UBE2E2: variants seen among roughly 807,000 people sequenced by gnomAD.
UBE2E2 encodes the protein ubiquitin-conjugating enzyme E2 E2.
UBE2E2 carries 6 observed loss-of-function variants against 24.7 expected under a neutral mutation model. The observed-to-expected ratio is 0.24, with a 90% CI of 0.13 to 0.48. UBE2E2 has a LOEUF of 0.48. Ranked by LOEUF, UBE2E2 falls within the 20% of genes least tolerant of loss-of-function variation. UBE2E2 has a pLI of 0.99. For missense variants in UBE2E2, 169 were observed against 245.0 expected, an observed-to-expected ratio of 0.69 and a Z score of 2.07; for synonymous variants, 104 against 83.6, an observed-to-expected ratio of 1.24 and a Z score of -1.33.
chr3:23,379,853 G>T (rs1164507922), intron 3 of UBE2E2, among the ~76,000 whole-genome samples: 2 of 152,108 alleles, frequency 1.3e-5, no homozygotes, highest in South Asian at 2.1e-4. Context: ...GGGCAGAAAG[G>T]AGTTTGGTCC....
At chr3:23,543,865 A>G (rs902250213) in intron 5 of UBE2E2, among the ~76,000 whole-genome samples, 5 of 152,236 alleles carry the variant, frequency 3.3e-5, no homozygotes, top group Non-Finnish European at 7.3e-5. Context: ...TTATAAAAGT[A>G]GATACATAAA....
At chr3:23,382,237 A>C (rs1487742179) in intron 3 of UBE2E2, among the ~76,000 whole-genome samples, 1 of 128,422 alleles carries the variant, frequency 7.8e-6, no homozygotes, top group Non-Finnish European at 1.5e-5. Context: ...GCTGGAGTGC[A>C]GTGGCGCAAT....
rs71974866 is a variant in UBE2E2 at position 23,407,647 on chromosome 3, ATGTGTGTGTG to A, written c.228-91927_228-91918del. 2.3e-3 allele frequency among the ~76,000 whole-genome samples: 317 copies of A among 138,106 alleles called. No individual in the cohort carries two copies. The highest frequency in any genetic ancestry group is 6.3e-3 in the African/African-American group (235 of 37,406). 90.6% of individuals were successfully genotyped at this position (138,106 alleles called of 152,430 possible). On this transcript the variant is annotated intron_variant, in intron 3 of 5. Transcript: ENST00000396703. The surrounding 1 kb of genome is among the most constrained non-coding windows in gnomAD (Gnocchi z 4.0). ...TGTGTGTTTGTGTGTGCATGCGTGCATGTGTGTGTGTGTGTGTGTGTGTGTGTGTGTGTGT... is the reference window on the plus strand; with the variant it reads ...TGTGTGTTTGTGTGTGCATGCGTGCATGTGTGTGTGTGTGTGTGTGTGTGT...
At chr3:23,378,285 A>G (rs143317186) in intron 3 of UBE2E2, among the ~76,000 whole-genome samples, 8 of 151,012 alleles carry the variant, frequency 5.3e-5, no homozygotes, top group Non-Finnish European at 1.2e-4. Context: ...TTAAAATTGT[A>G]CACATCTTGC....
chr3:23,310,126 A>T (rs1341912048), intron 3 of UBE2E2, among the ~76,000 whole-genome samples: 2 of 152,158 alleles, frequency 1.3e-5, no homozygotes, highest in Non-Finnish European at 2.9e-5. Flanking sequence ...GGATATATTT[A>T]AAAATCACCA....
Position 23,440,009 on chromosome 3 carries a change from C to T in UBE2E2, c.228-59599C>T, listed in dbSNP as rs979488227. Among the ~76,000 whole-genome samples, 6 of 151,196 alleles carry T rather than the reference C, an allele frequency of 4.0e-5. 1 individual carries two copies. In the South Asian group the frequency reaches 8.3e-4, roughly 21 times the overall value. Reference sequence around the variant, plus strand: ...AAAAGAGGCTGGGCATTGTGTATCACGCCTGTAATCCCAGTGCTTTGGGAG... The same window carrying T: ...AAAAGAGGCTGGGCATTGTGTATCATGCCTGTAATCCCAGTGCTTTGGGAG... On this transcript the variant is annotated intron_variant, in intron 3 of 5. Transcript: ENST00000396703.
chr3:23,302,613 C>T (rs1330885870), intron 3 of UBE2E2, among the ~76,000 whole-genome samples: 1 of 152,178 alleles, frequency 6.6e-6, no homozygotes, highest in Non-Finnish European at 1.5e-5. Context: ...AAGTAGTAGG[C>T]ATCAGCTAAT....
At chr3:23,524,413 G>A (rs1694944235) in intron 4 of UBE2E2, among the ~76,000 whole-genome samples, 1 of 152,162 alleles carries the variant, frequency 6.6e-6, no homozygotes, top group South Asian at 2.1e-4. Flanking sequence ...TGCCAGGCAG[G>A]CTATTAGAAC....
At chr3:23,270,001 C>A (rs1698189268) in intron 3 of UBE2E2, among the ~76,000 whole-genome samples, 1 of 152,122 alleles carries the variant, frequency 6.6e-6, no homozygotes, top group African/African-American at 2.4e-5. Context: ...TTCTGTATAA[C>A]TGTGCTGACC....
chr3:23,227,294 C>G (rs1222806627), intron 3 of UBE2E2, among the ~76,000 whole-genome samples: 2 of 151,998 alleles, frequency 1.3e-5, no homozygotes, highest in African/African-American at 4.8e-5. Context: ...ATTTTTCTAC[C>G]CTTTTCCCTC....
At chr3:23,436,525 T>C (rs1698188239) in intron 3 of UBE2E2, among the ~76,000 whole-genome samples, 1 of 151,986 alleles carries the variant, frequency 6.6e-6, no homozygotes, top group Non-Finnish European at 1.5e-5. Flanking sequence ...TAAAGGAAAA[T>C]CTGAGTATAA....
intron 3 of UBE2E2, among the ~76,000 whole-genome samples, chr3:23,406,031 A>T (rs1283030481): frequency 6.6e-6 from 1 of 152,238 alleles, no homozygotes; most frequent in African/African-American, 2.4e-5. Flanking sequence ...GTTGTGAAGA[A>T]TATGTGTTTG....
intron 5 of UBE2E2, among the ~76,000 whole-genome samples, chr3:23,581,344 A>G (rs1270996752): frequency 6.6e-6 from 1 of 152,220 alleles, no homozygotes; most frequent in East Asian, 1.9e-4. Flanking sequence ...TGGTTAAAGC[A>G]TGAGGGGAGG....
At chr3:23,534,980 C>T (rs1695216965) in intron 5 of UBE2E2, among the ~76,000 whole-genome samples, 1 of 152,160 alleles carries the variant, frequency 6.6e-6, no homozygotes, top group Non-Finnish European at 1.5e-5. Flanking sequence ...CTTTTTCATA[C>T]TCTTTTTGTA....
chr3:23,440,795 A>G (rs569405112), intron 3 of UBE2E2, among the ~76,000 whole-genome samples: 2 of 152,270 alleles, frequency 1.3e-5, no homozygotes, highest in East Asian at 3.9e-4. Flanking sequence ...TTAAAAAAAA[A>G]GAAAAAAAGT....
chr3:23,311,215 C>T (rs1202092978), intron 3 of UBE2E2, among the ~76,000 whole-genome samples: 5 of 152,262 alleles, frequency 3.3e-5, no homozygotes, highest in South Asian at 2.1e-4. Context: ...GCGTAGTATT[C>T]GATGGTGTAT....
chr3:23,494,100 T>C lies in UBE2E2; in HGVS notation c.228-5508T>C, dbSNP rs116076862. On this transcript the variant is annotated intron_variant, in intron 3 of 5. Transcript: ENST00000396703. ...ACTTAGTCTGACTCCAGAGCCTGTTTATGTTCTTCATCATTGCTCTGTACT... is the reference window on the plus strand; with the variant it reads ...ACTTAGTCTGACTCCAGAGCCTGTTCATGTTCTTCATCATTGCTCTGTACT... 4.3e-3 allele frequency among the ~76,000 whole-genome samples: 652 copies of C among 152,376 alleles called. 6 individuals carry two copies. The highest frequency in any genetic ancestry group is 0.014 in the African/African-American group (602 of 41,588).
At chr3:23,549,437 T>TA (rs1695593306) in intron 5 of UBE2E2, among the ~76,000 whole-genome samples, 1 of 152,196 alleles carries the variant, frequency 6.6e-6, no homozygotes, top group African/African-American at 2.4e-5. Flanking sequence ...CTTGCCATGT[T>TA]AAAGAAAATT....
intron 3 of UBE2E2, chr3:23,271,265 G>T (rs568946232): frequency 3.1e-6 from 1 of 326,932 alleles, no homozygotes; most frequent in South Asian, 2.6e-5. Flanking sequence ...TCTAGAGTTT[G>T]TTCCTTCAGA....
Sources: allele counts gnomAD v4.1 joint callset (sites outside exome capture counted in the v4.1 genomes callset), GRCh38; gene constraint gnomAD v4.1.1; non-coding constraint Gnocchi (gnomAD v3.1); transcripts MANE v1.5; gene names NCBI Gene and HGNC (gene_info 2026-07-23, HGNC 2026-07-21).